Variants in PTPN13 observed in about 807,000 individuals in gnomAD.
The protein encoded by PTPN13 is tyrosine-protein phosphatase non-receptor type 13.
A neutral mutation model predicts 284.0 loss-of-function variants in PTPN13; 191 were observed. The ratio of observed to expected loss-of-function variants is 0.67; its 90% CI spans 0.60 to 0.76. The LOEUF (loss-of-function observed/expected upper bound fraction) is 0.76. Among genes scored for constraint, PTPN13 ranks in the 30% least tolerant of loss-of-function variants. The pLI is 0.00. For synonymous variants in PTPN13, 986 were observed against 1,022.3 expected (o/e 0.96, Z 0.68); for missense variants, 2,797 against 2,939.9 (o/e 0.95, Z 1.12).
chr4:86,687,948 C>T (rs1218899059), intron 4 of PTPN13, among the ~76,000 whole-genome samples: 2 of 152,040 alleles, frequency 1.3e-5, no homozygotes, highest in African/African-American at 4.8e-5. Flanking sequence ...TATTAAGTAC[C>T]TACCTTGTGT....
intron 2 of PTPN13, among the ~76,000 whole-genome samples, chr4:86,658,309 C>G (rs987634236): frequency 1.1e-4 from 16 of 152,238 alleles, no homozygotes; most frequent in African/African-American, 3.6e-4. Flanking sequence ...CCTCAATGCA[C>G]TGCCTGGGAT....
At chr4:86,699,683 C>T (rs1467358978) in intron 6 of PTPN13, among the ~76,000 whole-genome samples, 1 of 152,142 alleles carries the variant, frequency 6.6e-6, no homozygotes, top group Non-Finnish European at 1.5e-5. Flanking sequence ...GTTTGGTAGT[C>T]AAGGTAGCAG....
intron 7 of PTPN13, among the ~76,000 whole-genome samples, chr4:86,702,353 A>G (rs1731257274): frequency 6.6e-6 from 1 of 152,186 alleles, no homozygotes; most frequent in Non-Finnish European, 1.5e-5. Context: ...TACCTTTTGA[A>G]TCATAGTACA....
At chr4:86,689,224 AT>A in intron 5 of PTPN13, 34 bp downstream of exon 5, 1 of 1,568,384 alleles carries the variant, frequency 6.4e-7, no homozygotes, top group South Asian at 1.1e-5. Flanking sequence ...ATATAGTCAT[AT>A]TTTAAAATTT....
intron 25 of PTPN13, among the ~76,000 whole-genome samples, chr4:86,765,132 A>G (rs188646908): frequency 2.2e-4 from 34 of 152,362 alleles, no homozygotes; most frequent in Non-Finnish European, 4.0e-4. Flanking sequence ...ACATGTTAGT[A>G]TCTTAAAATT....
At chr4:86,720,588 T>C (rs1384994397) in intron 9 of PTPN13, among the ~76,000 whole-genome samples, 1 of 152,198 alleles carries the variant, frequency 6.6e-6, no homozygotes, top group African/African-American at 2.4e-5. Flanking sequence ...TAAATACATA[T>C]TAGCTTAAAA....
intron 40 of PTPN13, among the ~76,000 whole-genome samples, chr4:86,786,843 C>T (rs948317591): frequency 2.0e-5 from 3 of 152,138 alleles, no homozygotes; most frequent in East Asian, 1.9e-4. Context: ...TGGCTCATGG[C>T]GGTAATCCCA....
intron 19 of PTPN13, among the ~76,000 whole-genome samples, chr4:86,752,707 ATTC>A (rs1737534389): frequency 6.6e-6 from 1 of 152,196 alleles, no homozygotes; most frequent in Non-Finnish European, 1.5e-5. Context: ...AATAATGAAT[ATTC>A]TTTTAACACT....
chr4:86,717,941 G>T (rs1051895986), intron 9 of PTPN13, among the ~76,000 whole-genome samples: 1 of 152,080 alleles, frequency 6.6e-6, no homozygotes, highest in African/African-American at 2.4e-5. Context: ...AGGCTATTTA[G>T]AGTTCATTTT....
At chr4:86,791,580 C>T (rs1458417301) in intron 40 of PTPN13, among the ~76,000 whole-genome samples, 1 of 152,226 alleles carries the variant, frequency 6.6e-6, no homozygotes, top group East Asian at 1.9e-4. Flanking sequence ...TGTAGCCTGA[C>T]TGGGAGACAT....
intron 16 of PTPN13, among the ~76,000 whole-genome samples, chr4:86,742,507 C>T (rs1736272140): frequency 3.3e-5 from 5 of 152,102 alleles, no homozygotes. Context: ...ACTACTGATA[C>T]CTTTAGTTCA....
At chr4:86,755,104 G>T (rs1041592695) in intron 20 of PTPN13, among the ~76,000 whole-genome samples, 4 of 151,910 alleles carry the variant, frequency 2.6e-5, no homozygotes, top group Non-Finnish European at 5.9e-5. Flanking sequence ...TGTTCTTCCT[G>T]CTGGTCAAGA....
At chr4:86,772,292 G>C (rs865810974) in intron 31 of PTPN13, among the ~76,000 whole-genome samples, 2 of 152,130 alleles carry the variant, frequency 1.3e-5, no homozygotes, top group Non-Finnish European at 2.9e-5. Context: ...GATGGCTCAC[G>C]TCTGTAATCC....
intron 6 of PTPN13, among the ~76,000 whole-genome samples, chr4:86,700,808 G>A (rs896686562): frequency 2.0e-5 from 3 of 152,064 alleles, no homozygotes; most frequent in Non-Finnish European, 2.9e-5. Flanking sequence ...TTAAAAGATC[G>A]AAATATACTA....
chr4:86,644,092 T>C (rs966602850), intron 2 of PTPN13, among the ~76,000 whole-genome samples: 13 of 151,876 alleles, frequency 8.6e-5, no homozygotes, highest in Non-Finnish European at 1.9e-4. Context: ...AAGAAAAAAA[T>C]AGACAACCCG....
intron 6 of PTPN13, among the ~76,000 whole-genome samples, chr4:86,700,546 C>T (rs1228764780): frequency 6.6e-6 from 1 of 152,010 alleles, no homozygotes; most frequent in Non-Finnish European, 1.5e-5. Context: ...TACTTTATTA[C>T]AATTGGCAAA....
At chr4:86,723,459 A>T (rs1578499468) in intron 10 of PTPN13, among the ~76,000 whole-genome samples, 2 of 152,066 alleles carry the variant, frequency 1.3e-5, no homozygotes, top group Admixed American at 6.6e-5. Context: ...TCATCCCAAA[A>T]CCATCCCCTC....
intron 2 of PTPN13, among the ~76,000 whole-genome samples, chr4:86,642,025 G>A (rs188320253): frequency 9.9e-5 from 15 of 152,052 alleles, no homozygotes; most frequent in East Asian, 1.9e-4. Flanking sequence ...ACATATTTTC[G>A]CAATTTTGTG....
rs770665696 is a variant in PTPN13 at position 86,689,129 on chromosome 4, G to A, written c.485G>A (p.Cys162Tyr). 5 of 1,613,484 alleles carry A rather than the reference G, an allele frequency of 3.1e-6. No individual in the cohort carries two copies. Among genetic ancestry groups the A allele is most frequent in the East Asian group, 2.2e-5 (1 of 44,874 alleles). Residue 162 changes from cysteine to tyrosine, a missense_variant, in exon 5 of 48, where the codon TGT becomes TAT. Cys to Tyr is a radical substitution (Grantham distance 194, BLOSUM62 -2). Transcript: ENST00000411767. ...ACSAHIRNSN[C>Y]APSFSYVKHL... ...AGTGCCCACATTAGGAATAGCAATT[G>A]TGCACCCTCATTTTCCTACGTGAAA...
Sources: gnomAD v4.1 joint callset for allele counts (sites outside exome capture counted in the v4.1 genomes callset) on GRCh38, gnomAD v4.1.1 for gene constraint, MANE v1.5 for transcripts, NCBI Gene and HGNC (gene_info 2026-07-23, HGNC 2026-07-21) for gene names.